The following TULP3 variants were observed in gnomAD, a reference collection of about 807,000 sequenced individuals.
TULP3 encodes tubby-related protein 3.
In TULP3, 38 loss-of-function variants were observed where a neutral mutation model predicts 50.7. That is an observed-to-expected ratio of 0.75 (90% CI 0.58 to 0.98). The LOEUF (loss-of-function observed/expected upper bound fraction) is 0.98, where lower values mean the gene tolerates loss of function less well. Ranked by LOEUF, TULP3 falls within the 50% of genes least tolerant of loss-of-function variation. The pLI, the probability that TULP3 is intolerant of heterozygous loss-of-function variation, is 0.00. For missense variants in TULP3, 550 were observed against 568.0 expected, an observed-to-expected ratio of 0.97 and a Z score of 0.32; for synonymous variants, 183 against 196.6, an observed-to-expected ratio of 0.93 and a Z score of 0.58.
chr12:2,909,860 AGT>A (rs753295217), intron 2 of TULP3, among the ~76,000 whole-genome samples: 4 of 152,212 alleles, frequency 2.6e-5, no homozygotes, highest in Non-Finnish European at 5.9e-5. Context: ...GAATTAGAAG[AGT>A]GTTAACATTG....
chr12:2,894,673 A>T (rs1049591890), intron 1 of TULP3, among the ~76,000 whole-genome samples: 1 of 152,020 alleles, frequency 6.6e-6, no homozygotes, highest in Non-Finnish European at 1.5e-5. Context: ...AGGTGGGCAG[A>T]TCACGAGGTC....
chr12:2,921,124 G>A (rs902187572), intron 3 of TULP3, among the ~76,000 whole-genome samples: 1 of 152,058 alleles, frequency 6.6e-6, no homozygotes, highest in Non-Finnish European at 1.5e-5. Context: ...TAAGGTTTGC[G>A]TCCATTTTAG....
At chr12:2,894,066 G>A (rs2098173917) in intron 1 of TULP3, among the ~76,000 whole-genome samples, 1 of 152,078 alleles carries the variant, frequency 6.6e-6, no homozygotes, top group African/African-American at 2.4e-5. Flanking sequence ...GGGGTTGGCT[G>A]GTGCTGGAAC....
intron 4 of TULP3, among the ~76,000 whole-genome samples, chr12:2,929,131 A>AC (rs1221763972): frequency 6.6e-6 from 1 of 151,646 alleles, no homozygotes; most frequent in Non-Finnish European, 1.5e-5. Flanking sequence ...ATCCTGGCTG[A>AC]CACGGTGAAA....
chr12:2,894,266 C>CA (rs1269332707), intron 1 of TULP3, among the ~76,000 whole-genome samples: 2 of 124,036 alleles, frequency 1.6e-5, no homozygotes, highest in Non-Finnish European at 3.2e-5. Context: ...GTAATCCCAG[C>CA]ACCATGGGAG....
At chr12:2,896,935 T>A (rs1345751338) in intron 1 of TULP3, among the ~76,000 whole-genome samples, 5 of 152,228 alleles carry the variant, frequency 3.3e-5, no homozygotes, top group Non-Finnish European at 5.9e-5. Context: ...AAATATTCAC[T>A]AAGTAGAACT....
chr12:2,913,605 TA>T (rs942153723), intron 2 of TULP3, among the ~76,000 whole-genome samples: 85 of 151,770 alleles, frequency 5.6e-4, no homozygotes, highest in African/African-American at 2.0e-3. Context: ...GTGGTTTATT[TA>T]TTTTTATTTA....
At chr12:2,898,079 CAAAAAAAA>C (rs59718569) in intron 1 of TULP3, among the ~76,000 whole-genome samples, 1,969 of 93,206 alleles carry the variant, frequency 0.021, 54 homozygotes, top group African/African-American at 0.07. Flanking sequence ...AACTAGATCT[CAAAAAAAA>C]AAAAAAAAAA....
chr12:2,900,776 G>A (rs572156265), intron 1 of TULP3, among the ~76,000 whole-genome samples: 1 of 150,808 alleles, frequency 6.6e-6, no homozygotes, highest in Non-Finnish European at 1.5e-5. Context: ...GCTGGAGTGT[G>A]GCGGTGTGAC....
intron 1 of TULP3, among the ~76,000 whole-genome samples, chr12:2,908,710 G>A (rs12825231): frequency 0.17 from 25,393 of 152,156 alleles, 2,432 homozygotes; most frequent in South Asian, 0.26. Context: ...GTGAGCCACC[G>A]TGTGCCTGGC....
intron 8 of TULP3, among the ~76,000 whole-genome samples, chr12:2,936,458 CAA>C (rs1231778266): frequency 6.6e-5 from 10 of 150,466 alleles, no homozygotes; most frequent in Admixed American, 3.3e-4. Context: ...ATTTAAGACT[CAA>C]GAGTAAGAGG....
At position 2,932,579 on chromosome 12, in the gene TULP3, C is replaced by CAAAAAAA; in HGVS notation, c.697-825_697-819dup. Among the ~76,000 whole-genome samples the CAAAAAAA allele has an allele frequency of 2.9e-5, 2 of 68,900 alleles. 1 individual carries two copies. Among genetic ancestry groups the CAAAAAAA allele is most frequent in the Non-Finnish European group, 5.7e-5 (2 of 35,164 alleles). The allele number at this position is 68,900 out of a possible 152,430, so 45.2% of individuals were successfully genotyped here. ...TGGGTGACAGAGTGAGACCCTATCT[C>CAAAAAAA]AAAAAAAAAAAAAAAAAAAAGCCAT... On this transcript the variant is annotated intron_variant, in intron 6 of 10. Coordinates refer to ENST00000448120, the MANE Select transcript of TULP3 (RefSeq NM_003324.5).
chr12:2,922,445 C>T, intron 4 of TULP3, 43 bp downstream of exon 4: 3 of 1,585,168 alleles, frequency 1.9e-6, no homozygotes, highest in South Asian at 1.2e-5. Context: ...TCTCCTTACT[C>T]AATTGTAATC....
chr12:2,922,058 G>A (rs901726181), intron 3 of TULP3, among the ~76,000 whole-genome samples: 1 of 152,144 alleles, frequency 6.6e-6, no homozygotes, highest in African/African-American at 2.4e-5. Flanking sequence ...TCTCCAGCCT[G>A]GGTGACAGAG....
At position 2,929,303 on chromosome 12, in the gene TULP3, C is replaced by G. The variant is rs540889727; in HGVS notation, c.395-945C>G. On this transcript the variant is annotated intron_variant, in intron 4 of 10. Coordinates refer to ENST00000448120, the MANE Select transcript of TULP3 (RefSeq NM_003324.5). ...CTGCGCTCCAGCCTGGGCGACAGAG[C>G]GAGACTCCGTCTCAAAAAAAAAAAG... Among the ~76,000 whole-genome samples the G allele has an allele frequency of 1.7e-4, 26 of 151,526 alleles. No individual in the cohort carries two copies. In the South Asian group the frequency reaches 4.4e-3, roughly 26 times the overall value.
intron 1 of TULP3, among the ~76,000 whole-genome samples, chr12:2,892,163 A>C (rs756788141): frequency 2.0e-5 from 3 of 152,198 alleles, no homozygotes; most frequent in Non-Finnish European, 4.4e-5. Context: ...AACCATTTTT[A>C]AAAATTGTCA....
intron 1 of TULP3, among the ~76,000 whole-genome samples, chr12:2,898,825 G>A (rs2098177101): frequency 6.7e-6 from 1 of 150,302 alleles, no homozygotes; most frequent in South Asian, 2.1e-4. Flanking sequence ...GATTACAGGT[G>A]TGCACCACCA....
chr12:2,908,250 G>A (rs1184268649), intron 1 of TULP3, among the ~76,000 whole-genome samples: 1 of 152,140 alleles, frequency 6.6e-6, no homozygotes, highest in Non-Finnish European at 1.5e-5. Context: ...TTCTTAAATA[G>A]CACCTTGTAG....
chr12:2,915,103 C>T (rs2098187884), intron 2 of TULP3, among the ~76,000 whole-genome samples: 1 of 152,082 alleles, frequency 6.6e-6, no homozygotes, highest in Non-Finnish European at 1.5e-5. Flanking sequence ...ATTCTTATGC[C>T]TCAGCCTCTC....
Sources: gnomAD v4.1 joint callset for allele counts (sites outside exome capture counted in the v4.1 genomes callset) on GRCh38, gnomAD v4.1.1 for gene constraint, MANE v1.5 for transcripts, NCBI Gene and HGNC (gene_info 2026-07-23, HGNC 2026-07-21) for gene names.